Variants in WDR64 observed in about 807,000 individuals in gnomAD.
The protein encoded by WDR64 is WD repeat domain 64, also known as WD repeat-containing protein 64.
A neutral mutation model predicts 139.3 loss-of-function variants in WDR64; 112 were observed. The observed-to-expected ratio is 0.80, with a 90% CI of 0.69 to 0.94. The LOEUF (loss-of-function observed/expected upper bound fraction) is 0.94, where lower values mean the gene tolerates loss of function less well. WDR64 is among the 40% of genes least tolerant of loss of function. The probability of loss-of-function intolerance (pLI) is 0.00; values close to 1 mark genes in which losing one functional copy is unlikely to be tolerated. For missense variants in WDR64, 1,206 were observed against 1,293.1 expected (o/e 0.93, Z 1.03); for synonymous variants, 444 against 437.7 (o/e 1.01, Z -0.18).
chr1:241,736,959 C>A (rs1321296497), intron 10 of WDR64, among the ~76,000 whole-genome samples: 2 of 152,074 alleles, frequency 1.3e-5, no homozygotes, highest in African/African-American at 4.8e-5. Flanking sequence ...GAAAGACTGC[C>A]CACCATGAAC....
chr1:241,677,215 T>G (rs150688690), intron 4 of WDR64: 5 of 397,128 alleles, frequency 1.3e-5, no homozygotes, highest in Admixed American at 4.4e-5. Context: ...TTAAAGAAGC[T>G]GAGAGGACTT....
intron 15 of WDR64, among the ~76,000 whole-genome samples, chr1:241,762,369 C>T (rs1486107947): frequency 6.6e-6 from 1 of 151,902 alleles, no homozygotes; most frequent in Non-Finnish European, 1.5e-5. Context: ...AACATCTCTT[C>T]AGAAAGCTAT....
chr1:241,661,541 G>A (rs1175717000), intron 2 of WDR64, among the ~76,000 whole-genome samples: 1 of 152,068 alleles, frequency 6.6e-6, no homozygotes, highest in Non-Finnish European at 1.5e-5. Context: ...AAGCTGAAAA[G>A]CTATCCAGCT....
intron 16 of WDR64, among the ~76,000 whole-genome samples, chr1:241,768,963 A>G (rs1165368492): frequency 6.6e-6 from 1 of 152,166 alleles, no homozygotes; most frequent in Admixed American, 6.5e-5. Flanking sequence ...TTAGAACTCT[A>G]TTATTTAAAC....
chr1:241,668,068 C>T (rs12139214), intron 2 of WDR64, among the ~76,000 whole-genome samples: 72,850 of 151,988 alleles, frequency 0.48, 18,524 homozygotes, highest in Non-Finnish European at 0.57. Flanking sequence ...AAAAATAGGA[C>T]GCAGGTTTAC....
intron 8 of WDR64, among the ~76,000 whole-genome samples, chr1:241,695,537 T>C (rs1413763256): frequency 6.6e-6 from 1 of 152,172 alleles, no homozygotes; most frequent in African/African-American, 2.4e-5. Flanking sequence ...ATCAGTTGAA[T>C]GGTTTAGAAT....
intron 18 of WDR64, among the ~76,000 whole-genome samples, chr1:241,771,088 A>C (rs938822676): frequency 6.8e-6 from 1 of 146,980 alleles, no homozygotes; most frequent in Non-Finnish European, 1.5e-5. Context: ...ACTGTAATGC[A>C]GTGGTTTTCA....
chr1:241,741,521 A>G lies in WDR64; in HGVS notation c.1327A>G (p.Ser443Gly), dbSNP rs757510698. The G allele has an allele frequency of 6.2e-6, 10 of 1,600,748 alleles. No homozygotes were observed. The highest frequency in any genetic ancestry group is 8.5e-6 in the Non-Finnish European group (10 of 1,176,272). The part of the protein sequence containing the change: ...ANHGMLITGS[S>G]VMDMYPLTRM... ...GATTCTTACTTCTGTTCCAGGATCT[A>G]GTGTTATGGACATGTATCCTTTGAC... Residue 443 changes from serine to glycine, a missense_variant, in exon 12 of 28, where the codon AGT (serine) becomes GGT (glycine). Transcript: ENST00000437684.
chr1:241,661,237 C>T (rs1308031328), intron 2 of WDR64, among the ~76,000 whole-genome samples: 4 of 151,152 alleles, frequency 2.6e-5, no homozygotes, highest in African/African-American at 2.4e-5. Context: ...TTTTATAAGC[C>T]GATGGATATG....
intron 8 of WDR64, among the ~76,000 whole-genome samples, chr1:241,688,929 A>G (rs145811441): frequency 2.2e-4 from 34 of 152,302 alleles, no homozygotes; most frequent in Non-Finnish European, 2.2e-4. Context: ...AAAAGGCACC[A>G]TTTTGAAACG....
chr1:241,801,270 C>T lies in WDR64; in HGVS notation c.*55C>T, dbSNP rs1659519012. On this transcript the variant is annotated 3_prime_UTR_variant, in exon 28 of 28. Coordinates refer to ENST00000437684, the MANE Select transcript of WDR64 (RefSeq NM_001367482.1). ...ATAAAATGGCAACGTTTGGATGATA[C>T]CTGCTCTTTATTTCAGGATGAGAGG... The T allele has an allele frequency of 1.4e-6, 2 of 1,430,230 alleles. No individual in the cohort carries two copies. The highest frequency in any genetic ancestry group is 1.2e-5 in the South Asian group (1 of 86,186). The allele number at this position is 1,430,230 out of a possible 1,614,324, so 88.6% of individuals were successfully genotyped here.
In WDR64 at chr1:241,664,377, C is replaced by T. The variant is rs143106813; in HGVS notation, c.276+3717C>T. 1.7e-3 allele frequency among the ~76,000 whole-genome samples: 254 copies of T among 152,182 alleles called. 1 individual carries two copies. Among genetic ancestry groups the T allele is most frequent in the Non-Finnish European group, 2.6e-3 (177 of 68,010 alleles). On this transcript the variant is annotated intron_variant, in intron 2 of 27. Transcript: ENST00000437684. ...AAATGTGTGTCTAACCAATGTTTCA[C>T]GTCAATATAAAAAAATTATGAACAT...
At chr1:241,687,315 A>C in intron 7 of WDR64, 146 bp from the exon 8 acceptor site, 1 of 975,696 alleles carries the variant, frequency 1.0e-6, no homozygotes, top group Non-Finnish European at 1.5e-6. Context: ...AAAAAAAAAA[A>C]AAAAAAGGTG....
rs1665579492 is a variant in WDR64, at chr1:241,656,007, A to G, written c.145+3378A>G. Among the ~76,000 whole-genome samples the G allele has an allele frequency of 6.6e-6, 1 of 152,132 alleles. No homozygotes were observed. Among genetic ancestry groups the G allele is most frequent in the African/African-American group, 2.4e-5 (1 of 41,438 alleles). On this transcript the variant is annotated intron_variant, in intron 1 of 27. Transcript: ENST00000437684. This position sits in a 1 kb window ranked among gnomAD's most constrained non-coding sequence, Gnocchi z 4.3. ...AGAAGGTACTCCTTCAATGTGTTCT[A>G]AATGCACAAGTTGACCTTGCTCTCA... is the stretch of plus-strand genomic sequence containing the variant.
intron 23 of WDR64, among the ~76,000 whole-genome samples, chr1:241,787,313 G>A (rs532174387): frequency 4.9e-4 from 73 of 147,978 alleles, no homozygotes; most frequent in Non-Finnish European, 8.1e-4. Context: ...GCAGTGAGCC[G>A]AGATGGCACC....
chr1:241,669,275 C>T (rs1217790074), intron 2 of WDR64, among the ~76,000 whole-genome samples: 1 of 152,220 alleles, frequency 6.6e-6, no homozygotes, highest in Admixed American at 6.5e-5. Context: ...GACTCCACAG[C>T]ACATGCTCTT....
chr1:241,675,072 TGCC>T (rs1666454111), intron 4 of WDR64, among the ~76,000 whole-genome samples: 1 of 81,622 alleles, frequency 1.2e-5, no homozygotes, highest in African/African-American at 5.0e-5. Flanking sequence ...TCCTCCTTCC[TGCC>T]TCCCTCCCTT....
chr1:241,685,403 T>C (rs1468594547), intron 7 of WDR64, among the ~76,000 whole-genome samples: 5 of 151,878 alleles, frequency 3.3e-5, no homozygotes, highest in Non-Finnish European at 5.9e-5. Flanking sequence ...TAATTAATTT[T>C]TTATGTATAT....
At chr1:241,795,111 C>G (rs556320857) in intron 25 of WDR64, 96 bp from the exon 26 acceptor site, 2 of 974,948 alleles carry the variant, frequency 2.1e-6, no homozygotes, top group Non-Finnish European at 3.1e-6. Flanking sequence ...TAAGATCACA[C>G]ATCTAATAAG....
Sources: allele counts gnomAD v4.1 joint callset (sites outside exome capture counted in the v4.1 genomes callset), GRCh38; gene constraint gnomAD v4.1.1; non-coding constraint Gnocchi (gnomAD v3.1); transcripts MANE v1.5; gene names NCBI Gene and HGNC (gene_info 2026-07-23, HGNC 2026-07-21).